The following FAM135A variants were observed in gnomAD, a reference collection of about 807,000 sequenced individuals.
FAM135A encodes protein FAM135A.
Under a neutral mutation model 146.8 loss-of-function variants are expected in FAM135A, and 79 were observed. That is an observed-to-expected ratio of 0.54 (90% CI 0.45 to 0.65). The LOEUF is 0.65. FAM135A is among the 30% of genes least tolerant of loss of function. The pLI, the probability that FAM135A is intolerant of heterozygous loss-of-function variation, is 0.00. For missense variants in FAM135A, 1,623 were observed against 1,758.2 expected (o/e 0.92, Z 1.38); for synonymous variants, 562 against 603.6 (o/e 0.93, Z 1.01).
At chr6:70,486,070 C>A in intron 10 of FAM135A, 1 of 877,578 alleles carries the variant, frequency 1.1e-6, no homozygotes, top group Non-Finnish European at 1.8e-6. Flanking sequence ...ACTATCAGAT[C>A]AACACTAAGT....
intron 12 of FAM135A, among the ~76,000 whole-genome samples, chr6:70,510,376 C>T (rs186297295): frequency 6.6e-6 from 1 of 152,070 alleles, no homozygotes; most frequent in Non-Finnish European, 1.5e-5. Context: ...GTTGTGTAAC[C>T]ATCACCTCTG....
intron 5 of FAM135A, among the ~76,000 whole-genome samples, chr6:70,455,618 C>A (rs1034540105): frequency 6.6e-6 from 1 of 152,056 alleles, no homozygotes; most frequent in African/African-American, 2.4e-5. Context: ...TTGGTGTACT[C>A]TTTTGAACAT....
rs753307356 is a variant in FAM135A, at chr6:70,525,957, A to G, written c.2873A>G (p.Asn958Ser). 1.2e-6 allele frequency: 2 copies of G among 1,613,506 alleles called. No individual in the cohort carries two copies. The highest frequency in any genetic ancestry group is 1.1e-5 in the South Asian group (1 of 91,028). Residue 958 changes from asparagine (N) to serine (S), a missense_variant, in exon 15 of 22, where the codon AAT becomes AGT. Physicochemically the swap from Asn to Ser is conservative, Grantham distance 46. Coordinates refer to ENST00000418814, the MANE Select transcript of FAM135A (RefSeq NM_001162529.3). ...CKGFQSPDKS[N>S]NSTGTAITLN... ...GGCTTCCAGAGTCCTGATAAATCTA[A>G]TAACTCTACAGGGACAGCAATTACA...
chr6:70,501,231 A>C (rs1364733384), intron 11 of FAM135A, among the ~76,000 whole-genome samples: 2 of 151,998 alleles, frequency 1.3e-5, no homozygotes, highest in African/African-American at 4.8e-5. Context: ...GTCTGGCCAC[A>C]GCTGCTTTGG....
At chr6:70,425,680 A>G (rs1769912634) in intron 2 of FAM135A, among the ~76,000 whole-genome samples, 1 of 152,246 alleles carries the variant, frequency 6.6e-6, no homozygotes, top group Admixed American at 6.5e-5. Context: ...CATTGAAGCA[A>G]TCATTGTGTC....
At chr6:70,511,823 ACTC>A (rs765163461) in intron 12 of FAM135A, among the ~76,000 whole-genome samples, 102 of 151,968 alleles carry the variant, frequency 6.7e-4, no homozygotes, top group Non-Finnish European at 1.2e-3. Flanking sequence ...ACAGCCTGTT[ACTC>A]CTACGCTACA....
intron 4 of FAM135A, among the ~76,000 whole-genome samples, chr6:70,447,575 G>A (rs373403247): frequency 4.6e-5 from 7 of 152,206 alleles, no homozygotes; most frequent in South Asian, 4.1e-4. Context: ...GGGCACTACC[G>A]GCTGTGGCGG....
chr6:70,528,211 TC>T, intron 15 of FAM135A, 80 bp from the exon 16 acceptor site: 2 of 1,365,816 alleles, frequency 1.5e-6, no homozygotes, highest in Non-Finnish European at 2.0e-6. Flanking sequence ...GGTTTCCACT[TC>T]TACAATTCTC....
chr6:70,452,740 ACTCTGTCT>A (rs1166917104), intron 5 of FAM135A, among the ~76,000 whole-genome samples, 169 bp downstream of exon 5: 1 of 152,188 alleles, frequency 6.6e-6, no homozygotes, highest in African/African-American at 2.4e-5. Flanking sequence ...GATTACAGAT[ACTCTGTCT>A]CCTTCTTAGA....
intron 20 of FAM135A, among the ~76,000 whole-genome samples, chr6:70,544,337 G>A (rs1383394819): frequency 6.6e-6 from 1 of 151,922 alleles, no homozygotes; most frequent in Non-Finnish European, 1.5e-5. Context: ...TTGGGAGTTC[G>A]AGACCATCCT....
At chr6:70,460,458 C>G (rs1028470646) in intron 5 of FAM135A, among the ~76,000 whole-genome samples, 2 of 152,142 alleles carry the variant, frequency 1.3e-5, no homozygotes, top group African/African-American at 2.4e-5. Context: ...TGTTTTGTAA[C>G]TAGTTAAATC....
chr6:70,495,155 C>T (rs1008659512), intron 11 of FAM135A, among the ~76,000 whole-genome samples: 32 of 152,276 alleles, frequency 2.1e-4, no homozygotes, highest in African/African-American at 7.7e-4. Flanking sequence ...AATATTTATT[C>T]ATTATGTCTT....
rs553121076 is a variant in FAM135A, at chr6:70,521,412, G to A, written c.1030-1101G>A. Among the ~76,000 whole-genome samples, 4 of 152,198 alleles carry A rather than the reference G, an allele frequency of 2.6e-5. No individual in the cohort carries two copies. In the South Asian group the frequency reaches 8.3e-4, roughly 32 times the overall value. On this transcript the variant is annotated intron_variant, in intron 12 of 21. Coordinates refer to ENST00000418814, the MANE Select transcript of FAM135A (RefSeq NM_001162529.3). ...CACCTTTCCTTTAATGTTGGAGAGG[G>A]GAAAAAAGCATTTGGACCACATATG... is the stretch of plus-strand genomic sequence containing the variant.
chr6:70,534,540 G>A (rs1247734371), intron 18 of FAM135A, among the ~76,000 whole-genome samples: 2 of 151,878 alleles, frequency 1.3e-5, no homozygotes, highest in Non-Finnish European at 2.9e-5. Flanking sequence ...TCGAACTCCT[G>A]AGCTCAAGTG....
intron 5 of FAM135A, among the ~76,000 whole-genome samples, chr6:70,468,719 C>T (rs1292949218): frequency 1.3e-5 from 2 of 152,140 alleles, no homozygotes; most frequent in Non-Finnish European, 2.9e-5. Flanking sequence ...TGTCTCCTTC[C>T]TAGAGAGTAA....
At chr6:70,462,529 T>C (rs1779625997) in intron 5 of FAM135A, among the ~76,000 whole-genome samples, 1 of 152,054 alleles carries the variant, frequency 6.6e-6, no homozygotes, top group African/African-American at 2.4e-5. Flanking sequence ...AATGATAATG[T>C]GTGGGGAAGG....
rs190236276 is a variant in FAM135A at position 70,437,717 on chromosome 6, C to T, written c.77+9298C>T. Among the ~76,000 whole-genome samples, 142 of 151,948 alleles carry T rather than the reference C, an allele frequency of 9.3e-4. 2 individuals are homozygous for T. The highest frequency in any genetic ancestry group is 1.7e-3 in the Non-Finnish European group (114 of 67,932). On this transcript the variant is annotated intron_variant, in intron 4 of 21. Coordinates refer to ENST00000418814, the MANE Select transcript of FAM135A (RefSeq NM_001162529.3). ...TGGGAGAGAGTAAAAATTTAGAACTCGGAATTAGGGAAGTTGTAGAAAATA... is the reference window on the plus strand; with the variant it reads ...TGGGAGAGAGTAAAAATTTAGAACTTGGAATTAGGGAAGTTGTAGAAAATA...
intron 12 of FAM135A, among the ~76,000 whole-genome samples, chr6:70,520,152 A>C (rs1793243929): frequency 6.6e-6 from 1 of 152,012 alleles, no homozygotes; most frequent in African/African-American, 2.4e-5. Flanking sequence ...TTACCTCTGT[A>C]ATTCATTTTT....
chr6:70,482,110 T>A lies in FAM135A; in HGVS notation c.779T>A (p.Ile260Asn). Residue 260 changes from isoleucine (I) to asparagine (N), a missense_variant, in exon 10 of 22, where the codon ATT becomes AAT. Physicochemically the swap from Ile to Asn is moderately radical, Grantham distance 149 (BLOSUM62 -3). Around this residue, in one of 7 missense-constraint regions of FAM135A, gnomAD observed 206 missense variants for 194.7 expected, o/e 1.06. Coordinates refer to ENST00000418814, the MANE Select transcript of FAM135A (RefSeq NM_001162529.3). ...LAFKGLHSYF[I>N]TVTEEIPSCQ... is the part of the protein sequence containing the mutation. ...TTCAAGGGATTGCACAGCTACTTCA[T>A]TACAGTAACAGAAGAGATTCCTTCT... 1 of 1,613,736 alleles carries A rather than the reference T, an allele frequency of 6.2e-7. No individual in the cohort carries two copies. The highest frequency in any genetic ancestry group is 8.5e-7 in the Non-Finnish European group (1 of 1,179,790).
Sources: gnomAD v4.1 joint callset for allele counts (sites outside exome capture counted in the v4.1 genomes callset) on GRCh38, gnomAD v4.1.1 for gene constraint, gnomAD v4.1.1 regional missense constraint, MANE v1.5 for transcripts, NCBI Gene and HGNC (gene_info 2026-07-23, HGNC 2026-07-21) for gene names.